Variants in PHF14 observed in about 807,000 individuals in gnomAD.
The protein encoded by PHF14 is PHD finger protein 14.
A neutral mutation model predicts 117.9 loss-of-function variants in PHF14; 55 were observed. That is an observed-to-expected ratio of 0.47 (90% CI 0.38 to 0.58). PHF14 has a LOEUF of 0.58. Ranked by LOEUF, PHF14 falls within the 20% of genes least tolerant of loss-of-function variation. PHF14 has a pLI of 0.00. For missense variants in PHF14, 978 were observed against 1,122.2 expected (o/e 0.87, Z 1.84); for synonymous variants, 409 against 368.6 (o/e 1.11, Z -1.26).
At chr7:11,136,499 A>G (rs1443376386) in intron 17 of PHF14, among the ~76,000 whole-genome samples, 2 of 152,168 alleles carry the variant, frequency 1.3e-5, no homozygotes, top group Non-Finnish European at 2.9e-5. Flanking sequence ...TCACAAGTAA[A>G]AACTGAATTA....
chr7:11,052,941 G>A (rs965450284), intron 14 of PHF14, among the ~76,000 whole-genome samples: 1 of 152,094 alleles, frequency 6.6e-6, no homozygotes, highest in Non-Finnish European at 1.5e-5. Flanking sequence ...TAAAAGTTTG[G>A]TGTGTATGTT....
In PHF14 at chr7:11,169,518, T is replaced by C; in HGVS notation, c.*28T>C. On this transcript the variant is annotated 3_prime_UTR_variant, in exon 18 of 18. Transcript: ENST00000634607. ...GATTTTCTGTAGTGTTTTTGAAAAG[T>C]TTGCAGCTTATGTAATAGCAGATAA... 1 of 1,128,410 alleles carries C rather than the reference T, an allele frequency of 8.9e-7. No individual in the cohort carries two copies. Among genetic ancestry groups the C allele is most frequent in the Non-Finnish European group, 1.2e-6 (1 of 801,604 alleles). 69.9% of individuals were successfully genotyped at this position (1,128,410 alleles called of 1,614,324 possible). A position where few individuals can be genotyped will look rare whatever the true frequency, so the allele number is the denominator to read the frequency against.
intron 17 of PHF14, among the ~76,000 whole-genome samples, chr7:11,149,310 C>G (rs987077697): frequency 6.6e-6 from 1 of 152,106 alleles, no homozygotes; most frequent in Non-Finnish European, 1.5e-5. Context: ...AGTACTGACT[C>G]GTCATGGCAA....
chr7:11,074,970 C>T (rs1258616836), intron 16 of PHF14, among the ~76,000 whole-genome samples: 5 of 144,398 alleles, frequency 3.5e-5, no homozygotes, highest in African/African-American at 1.0e-4. Context: ...TGGAGTCTTG[C>T]TCTGTCACCC....
chr7:11,029,868 A>G (rs918863120), intron 7 of PHF14, among the ~76,000 whole-genome samples: 2 of 151,784 alleles, frequency 1.3e-5, no homozygotes, highest in African/African-American at 4.8e-5. Context: ...TTTTTCTTTT[A>G]TTGGGTAAAT....
intron 17 of PHF14, among the ~76,000 whole-genome samples, chr7:11,159,469 G>A (rs908165849): frequency 6.6e-6 from 1 of 151,500 alleles, no homozygotes; most frequent in African/African-American, 2.4e-5. Flanking sequence ...TTATTTTTCT[G>A]TTTTTTTCTG....
intron 17 of PHF14, among the ~76,000 whole-genome samples, chr7:11,122,428 CGT>C (rs1491209901): frequency 0.012 from 1,342 of 116,328 alleles, 8 homozygotes; most frequent in Non-Finnish European, 0.019. Context: ...TATATATACA[CGT>C]ATATATATAT....
chr7:11,163,807 T>C (rs1331717495), intron 17 of PHF14, among the ~76,000 whole-genome samples: 1 of 152,226 alleles, frequency 6.6e-6, no homozygotes, highest in Non-Finnish European at 1.5e-5. Flanking sequence ...TGTTGAGAGT[T>C]ACATATCTAG....
At chr7:11,009,581 A>G (rs1293914815) in intron 4 of PHF14, among the ~76,000 whole-genome samples, 1 of 152,210 alleles carries the variant, frequency 6.6e-6, no homozygotes, top group Non-Finnish European at 1.5e-5. Context: ...TGGAAGAGAG[A>G]AAGATTTTAG....
At chr7:11,120,902 T>C (rs1787732580) in intron 17 of PHF14, among the ~76,000 whole-genome samples, 1 of 152,146 alleles carries the variant, frequency 6.6e-6, no homozygotes, top group Non-Finnish European at 1.5e-5. Flanking sequence ...TGACGACATA[T>C]TTTAGTAACA....
chr7:11,037,710 T>A (rs1001141126), intron 10 of PHF14, among the ~76,000 whole-genome samples: 1 of 152,206 alleles, frequency 6.6e-6, no homozygotes, highest in Non-Finnish European at 1.5e-5. Context: ...CAAGTATAAC[T>A]TGACATATAA....
chr7:10,992,385 G>A (rs532639097), intron 4 of PHF14, among the ~76,000 whole-genome samples: 2 of 151,218 alleles, frequency 1.3e-5, no homozygotes, highest in African/African-American at 2.4e-5. Context: ...GCAAAGGGCC[G>A]GGTGCAGTGG....
intron 4 of PHF14, among the ~76,000 whole-genome samples, chr7:10,994,929 G>A (rs1782581818): frequency 6.6e-6 from 1 of 152,192 alleles, no homozygotes; most frequent in Non-Finnish European, 1.5e-5. Context: ...GCCATTGCTG[G>A]CTGGGGCAGC....
chr7:10,990,817 T>C lies in PHF14; in HGVS notation c.1015T>C (p.Cys339Arg). Residue 339 changes from cysteine to arginine, a missense_variant, in exon 4 of 18, where the codon TGT becomes CGT. By Grantham distance (180) the Cys-to-Arg change is radical. This residue lies in a region of PHF14 where 86 missense variants were observed against 137.8 expected (regional missense o/e 0.62). Transcript: ENST00000634607. ...TGAGGACGCTGATGAAATAATTCAG[T>C]GTGACAATTGTGGCATTACAGTCCA... Reference protein sequence around the residue: ...NSEDADEIIQCDNCGITVHEG... With the variant: ...NSEDADEIIQRDNCGITVHEG... 6.3e-7 allele frequency: 1 copy of C among 1,590,680 alleles called. No individual in the cohort carries two copies. The highest frequency in any genetic ancestry group is 8.6e-7 in the Non-Finnish European group (1 of 1,166,704).
chr7:11,154,766 A>T (rs997242685), intron 17 of PHF14, among the ~76,000 whole-genome samples: 1 of 152,144 alleles, frequency 6.6e-6, no homozygotes, highest in Non-Finnish European at 1.5e-5. Context: ...GAATTATTTA[A>T]TTAATAGCCT....
intron 13 of PHF14, 57 bp downstream of exon 13, chr7:11,042,871 G>C: frequency 8.3e-7 from 1 of 1,210,144 alleles, no homozygotes; most frequent in Non-Finnish European, 1.2e-6. Context: ...AGTTTCAGCA[G>C]TATAAGATGA....
intron 16 of PHF14, chr7:11,102,370 C>T (rs1787122965): frequency 9.4e-7 from 1 of 1,064,340 alleles, no homozygotes; most frequent in Non-Finnish European, 1.4e-6. Context: ...CTCTTTGGAC[C>T]AGATCATATG....
chr7:10,987,406 T>C (rs569514882), intron 3 of PHF14, among the ~76,000 whole-genome samples: 1 of 152,172 alleles, frequency 6.6e-6, no homozygotes, highest in South Asian at 2.1e-4. Flanking sequence ...GTATATATCA[T>C]TTACAGTCAT....
At chr7:11,037,871 G>T (rs1784363241) in intron 10 of PHF14, among the ~76,000 whole-genome samples, 2 of 152,202 alleles carry the variant, frequency 1.3e-5, no homozygotes, top group South Asian at 4.2e-4. Flanking sequence ...CTGTGATCTT[G>T]GCCAACTCAC....
Sources: allele counts gnomAD v4.1 joint callset (sites outside exome capture counted in the v4.1 genomes callset), GRCh38; gene constraint gnomAD v4.1.1; regional missense constraint gnomAD v4.1.1; transcripts MANE v1.5; gene names NCBI Gene and HGNC (gene_info 2026-07-23, HGNC 2026-07-21).